Variants in RBM20 observed in about 807,000 individuals in gnomAD.
RBM20 encodes RNA-binding protein 20.
RBM20 carries 51 observed loss-of-function variants against 110.1 expected under a neutral mutation model. That is an observed-to-expected ratio of 0.46 (90% CI 0.37 to 0.59). The LOEUF (loss-of-function observed/expected upper bound fraction) is 0.59. RBM20 is among the 20% of genes least tolerant of loss of function. The pLI is 0.00. For missense variants in RBM20, 1,512 were observed against 1,574.9 expected (o/e 0.96, Z 0.68); for synonymous variants, 589 against 618.2 (o/e 0.95, Z 0.70).
intron 1 of RBM20, among the ~76,000 whole-genome samples, chr10:110,748,669 CTCTCTCTCTCTCTT>C: frequency 6.6e-6 from 1 of 152,218 alleles, no homozygotes; most frequent in Non-Finnish European, 1.5e-5. Flanking sequence ...TATATCTTCT[CTCTCTCTCTCTCTT>C]TCTCTCTCTC....
chr10:110,666,268 C>T (rs1862177894), intron 1 of RBM20, among the ~76,000 whole-genome samples: 1 of 152,154 alleles, frequency 6.6e-6, no homozygotes, highest in Admixed American at 6.5e-5. Flanking sequence ...AACAAGACAT[C>T]AGCTCAGCCA....
intron 11 of RBM20, among the ~76,000 whole-genome samples, chr10:110,822,655 A>G (rs1267437333): frequency 6.6e-6 from 1 of 152,180 alleles, no homozygotes; most frequent in Non-Finnish European, 1.5e-5. Context: ...GATTTGCTTT[A>G]CAGAAAGCCT....
In RBM20 at chr10:110,811,314, A is replaced by C. The variant is rs979431632; in HGVS notation, c.1880+852A>C. ...CCTGTGTTTGGGAACTTAATGAAAA[A>C]ATGCCCATCCTTTTAGAATATCGGA... is the stretch of plus-strand genomic sequence containing the variant. On this transcript the variant is annotated intron_variant, in intron 8 of 13. Coordinates refer to ENST00000369519, the MANE Select transcript of RBM20 (RefSeq NM_001134363.3). 5.4e-4 allele frequency among the ~76,000 whole-genome samples: 82 copies of C among 152,344 alleles called. 1 individual carries two copies. Among genetic ancestry groups the C allele is most frequent in the African/African-American group, 1.9e-3 (80 of 41,584 alleles).
chr10:110,813,054 G>A, intron 9 of RBM20, 107 bp downstream of exon 9: 1 of 815,894 alleles, frequency 1.2e-6, no homozygotes, highest in Non-Finnish European at 1.8e-6. Flanking sequence ...ACATTTACTG[G>A]CTATTTACTA....
rs116125248 is a variant in RBM20, at chr10:110,838,340, T to C, written c.*2362T>C. ...GCTGCTGAAAAGTTGGTATCTCAAA[T>C]AAAGTCTGAAGATCACGGCTCAGCC... On this transcript the variant is annotated 3_prime_UTR_variant, in exon 14 of 14. Coordinates refer to ENST00000369519, the MANE Select transcript of RBM20 (RefSeq NM_001134363.3). 6.6e-6 allele frequency: 1 copy of C among 152,226 alleles called. No homozygotes were observed. The highest frequency in any genetic ancestry group is 2.4e-5 in the African/African-American group (1 of 41,554). 9.4% of individuals were successfully genotyped at this position (152,226 alleles called of 1,614,324 possible).
intron 5 of RBM20, among the ~76,000 whole-genome samples, chr10:110,787,364 T>A (rs1243430531): frequency 6.6e-6 from 1 of 152,216 alleles, no homozygotes; most frequent in Admixed American, 6.5e-5. Flanking sequence ...GGACAATGAT[T>A]TGGGAACCGT....
chr10:110,695,731 G>T (rs1862653225), intron 1 of RBM20, among the ~76,000 whole-genome samples: 1 of 152,250 alleles, frequency 6.6e-6, no homozygotes, highest in African/African-American at 2.4e-5. Flanking sequence ...GCATTGGGAA[G>T]TGGCTGAAAG....
At chr10:110,771,414 G>A (rs567146157) in intron 1 of RBM20, among the ~76,000 whole-genome samples, 22 of 152,282 alleles carry the variant, frequency 1.4e-4, no homozygotes, top group Non-Finnish European at 1.2e-4. Flanking sequence ...CAGGCGTTAA[G>A]CCACCATGCC....
At position 110,807,095 on chromosome 10, in the gene RBM20, C is replaced by T. The variant is rs112699923; in HGVS notation, c.1801-3288C>T. Among the ~76,000 whole-genome samples, 239 of 152,304 alleles carry T rather than the reference C, an allele frequency of 1.6e-3. 3 individuals carry two copies. The highest frequency in any genetic ancestry group is 5.6e-3 in the African/African-American group (233 of 41,562). The stretch of plus-strand genomic sequence containing the variant: ...ACCTGTGACCACTAGCCCCAGCGTG[C>T]AGTATTTGCAGATTCATATTCATTC... On this transcript the variant is annotated intron_variant, in intron 7 of 13. Coordinates refer to ENST00000369519, the MANE Select transcript of RBM20 (RefSeq NM_001134363.3).
intron 1 of RBM20, among the ~76,000 whole-genome samples, chr10:110,757,848 G>A (rs1250232910): frequency 6.6e-6 from 1 of 152,158 alleles, no homozygotes; most frequent in East Asian, 1.9e-4. Context: ...TGGCCCATGG[G>A]AAGATTAGCT....
At chr10:110,694,963 G>A (rs1862639504) in intron 1 of RBM20, among the ~76,000 whole-genome samples, 1 of 152,206 alleles carries the variant, frequency 6.6e-6, no homozygotes, top group Non-Finnish European at 1.5e-5. Flanking sequence ...AGAGTATAGT[G>A]TCATGTCTGT....
Position 110,834,913 on chromosome 10 carries a change from G to A in RBM20, c.3574-955G>A, listed in dbSNP as rs181720976. Reference sequence around the variant, plus strand: ...CCAACCTGCCTCATGGTGTTGGGCCGAGGCCAGTCATAGCAGTGAGTGTTC... The same window carrying A: ...CCAACCTGCCTCATGGTGTTGGGCCAAGGCCAGTCATAGCAGTGAGTGTTC... On this transcript the variant is annotated intron_variant, in intron 13 of 13. Transcript: ENST00000369519. Among the ~76,000 whole-genome samples the A allele has an allele frequency of 2.3e-3, 346 of 152,310 alleles. 1 individual carries two copies. The highest frequency in any genetic ancestry group is 7.9e-3 in the African/African-American group (328 of 41,568).
At position 110,837,820 on chromosome 10, in the gene RBM20, A is replaced by G. The variant is rs951985552; in HGVS notation, c.*1842A>G. 1.3e-5 allele frequency: 2 copies of G among 152,284 alleles called. No homozygotes were observed. Among genetic ancestry groups the G allele is most frequent in the Admixed American group, 6.5e-5 (1 of 15,284 alleles). 9.4% of individuals were successfully genotyped at this position (152,284 alleles called of 1,614,324 possible). On this transcript the variant is annotated 3_prime_UTR_variant, in exon 14 of 14. Transcript: ENST00000369519. The stretch of plus-strand genomic sequence containing the variant: ...GTTAAGGCAAGCACCAGGGGAAAGC[A>G]GACCAACTTGAACAGATGTGATGCG...
chr10:110,778,386 C>G (rs1461836213), intron 1 of RBM20, among the ~76,000 whole-genome samples: 1 of 152,232 alleles, frequency 6.6e-6, no homozygotes, highest in Non-Finnish European at 1.5e-5. Flanking sequence ...GTGGGTGTGC[C>G]TGATGTTCTG....
intron 1 of RBM20, among the ~76,000 whole-genome samples, chr10:110,654,505 G>C (rs1409537524): frequency 6.6e-6 from 1 of 152,202 alleles, no homozygotes; most frequent in Non-Finnish European, 1.5e-5. Flanking sequence ...TCCTCTTGAA[G>C]TTATGTTGGT....
intron 1 of RBM20, among the ~76,000 whole-genome samples, chr10:110,768,030 C>A (rs147744472): frequency 6.6e-6 from 1 of 152,240 alleles, no homozygotes; most frequent in Non-Finnish European, 1.5e-5. Flanking sequence ...GAGCTGGAGA[C>A]CAGCCCGGCC....
At chr10:110,757,870 G>T (rs1204685942) in intron 1 of RBM20, among the ~76,000 whole-genome samples, 2 of 152,086 alleles carry the variant, frequency 1.3e-5, no homozygotes, top group Admixed American at 1.3e-4. Flanking sequence ...CATCTCTTTT[G>T]GGTGGCTTTT....
intron 1 of RBM20, among the ~76,000 whole-genome samples, chr10:110,763,223 G>A (rs1312213880): frequency 5.3e-5 from 8 of 152,080 alleles, no homozygotes; most frequent in African/African-American, 1.2e-4. Context: ...TTTTCAGTGC[G>A]ACTATAGAAA....
At position 110,765,810 on chromosome 10, in the gene RBM20, A is replaced by G. The variant is rs371754860; in HGVS notation, c.192-14991A>G. ...AAAATAGCTTTTATGCAGCTTTGCC[A>G]TTGGTTTCTGCCTTATATACATTGG... On this transcript the variant is annotated intron_variant, in intron 1 of 13. Coordinates refer to ENST00000369519, the MANE Select transcript of RBM20 (RefSeq NM_001134363.3). Among the ~76,000 whole-genome samples, 137 of 152,124 alleles carry G rather than the reference A, an allele frequency of 9.0e-4. 1 individual carries two copies. In the South Asian group the frequency reaches 0.028, roughly 31 times the overall value.
Sources: allele counts gnomAD v4.1 joint callset (sites outside exome capture counted in the v4.1 genomes callset), GRCh38; gene constraint gnomAD v4.1.1; transcripts MANE v1.5; gene names NCBI Gene and HGNC (gene_info 2026-07-23, HGNC 2026-07-21).